The following SRGAP1 variants were observed in gnomAD, a reference collection of about 807,000 sequenced individuals.
SRGAP1 encodes SLIT-ROBO Rho GTPase activating protein 1, also known as SLIT-ROBO Rho GTPase-activating protein 1.
Under a neutral mutation model 121.9 loss-of-function variants are expected in SRGAP1, and 43 were observed. The observed-to-expected ratio is 0.35, with a 90% CI of 0.28 to 0.46. SRGAP1 has a LOEUF of 0.46. Among genes scored for constraint, SRGAP1 ranks in the 20% least tolerant of loss-of-function variants. The probability of loss-of-function intolerance (pLI) is 1.00; values close to 1 mark genes in which losing one functional copy is unlikely to be tolerated. For missense variants in SRGAP1, 1,102 were observed against 1,350.9 expected, an observed-to-expected ratio of 0.82 and a Z score of 2.89; for synonymous variants, 447 against 485.4, an observed-to-expected ratio of 0.92 and a Z score of 1.04.
intron 10 of SRGAP1, chr12:64,081,809 G>A (rs909669542): frequency 8.0e-5 from 12 of 150,276 alleles, no homozygotes; most frequent in South Asian, 4.2e-4. Flanking sequence ...GAGAAAGAAG[G>A]TACAGTCAAT....
intron 21 of SRGAP1, among the ~76,000 whole-genome samples, chr12:64,130,409 A>G (rs190784941): frequency 2.8e-3 from 431 of 152,232 alleles, no homozygotes; most frequent in Non-Finnish European, 5.0e-3. Flanking sequence ...GGAAGTAAAA[A>G]TGTTGCTAGG....
intron 1 of SRGAP1, among the ~76,000 whole-genome samples, chr12:63,850,596 ATTTTTT>A (rs34957489): frequency 8.0e-6 from 1 of 124,308 alleles, no homozygotes. Flanking sequence ...ATACCTGGCT[ATTTTTT>A]TTTTTTTTTT....
chr12:64,026,857 C>T (rs2034663409), intron 4 of SRGAP1, among the ~76,000 whole-genome samples: 3 of 146,038 alleles, frequency 2.1e-5, no homozygotes, highest in East Asian at 4.0e-4. Flanking sequence ...CAGAGCAAGA[C>T]TCCATCTCAA....
rs1488582266 is a variant in SRGAP1, at chr12:64,143,362, A to G, written c.*690A>G. 1 of 152,254 alleles carries G rather than the reference A, an allele frequency of 6.6e-6. No individual in the cohort carries two copies. The highest frequency in any genetic ancestry group is 1.5e-5 in the Non-Finnish European group (1 of 68,118). 9.4% of individuals were successfully genotyped at this position (152,254 alleles called of 1,614,324 possible). On this transcript the variant is annotated 3_prime_UTR_variant, in exon 22 of 22. Transcript: ENST00000355086. ...AAAGGAGAGGAAGACACCATCTCCAAAGCTATTAATGTCACTCCTTTTGCG... is the reference window on the plus strand; with the variant it reads ...AAAGGAGAGGAAGACACCATCTCCAGAGCTATTAATGTCACTCCTTTTGCG...
intron 12 of SRGAP1, among the ~76,000 whole-genome samples, chr12:64,093,057 A>G (rs965107111): frequency 3.3e-5 from 5 of 152,144 alleles, no homozygotes; most frequent in African/African-American, 4.8e-5. Flanking sequence ...TTCCACTTCT[A>G]AAAAGGGCTT....
At chr12:64,080,422 T>TCCAG in intron 10 of SRGAP1, 52 bp downstream of exon 10, 24 of 1,324,118 alleles carry the variant, frequency 1.8e-5, no homozygotes, top group Non-Finnish European at 2.5e-5. Context: ...CATCGTATCA[T>TCCAG]GTATATATTC....
intron 1 of SRGAP1, among the ~76,000 whole-genome samples, chr12:63,969,870 C>T (rs1262169808): frequency 6.6e-6 from 1 of 151,982 alleles, no homozygotes; most frequent in Non-Finnish European, 1.5e-5. Context: ...TCTTGAAATC[C>T]CACTAGAGCC....
intron 4 of SRGAP1, among the ~76,000 whole-genome samples, chr12:64,029,499 T>TA (rs1015216147): frequency 2.0e-5 from 3 of 152,126 alleles, no homozygotes; most frequent in Non-Finnish European, 4.4e-5. Flanking sequence ...TAGAGATCTC[T>TA]ATGGCTCTGG....
chr12:64,150,066 T>C lies in SRGAP1; in HGVS notation c.*7394T>C, dbSNP rs1181094173. 1.3e-5 allele frequency: 2 copies of C among 151,980 alleles called. No homozygotes were observed. The highest frequency in any genetic ancestry group is 2.1e-4 in the South Asian group (1 of 4,814). The allele number at this position is 151,980 out of a possible 1,614,324, so 9.4% of individuals were successfully genotyped here. Reference sequence around the variant, plus strand: ...CTTGCCTTCTATAATAAAAACAAAATAGTTTTTCTATCAAGGTCAGTCTCA... The same window carrying C: ...CTTGCCTTCTATAATAAAAACAAAACAGTTTTTCTATCAAGGTCAGTCTCA... On this transcript the variant is annotated 3_prime_UTR_variant, in exon 22 of 22. Coordinates refer to ENST00000355086, the MANE Select transcript of SRGAP1 (RefSeq NM_020762.4).
At chr12:64,135,085 C>A (rs1248910025) in intron 21 of SRGAP1, among the ~76,000 whole-genome samples, 2 of 152,184 alleles carry the variant, frequency 1.3e-5, no homozygotes, top group African/African-American at 2.4e-5. Context: ...AGGCTGATGG[C>A]AGCATGGGTC....
At chr12:64,125,406 G>A (rs1171745171) in intron 18 of SRGAP1, among the ~76,000 whole-genome samples, 1 of 152,170 alleles carries the variant, frequency 6.6e-6, no homozygotes, top group Non-Finnish European at 1.5e-5. Flanking sequence ...TACCGTCAGT[G>A]TTAGTTTGAA....
At chr12:64,046,838 A>G (rs1236338811) in intron 6 of SRGAP1, among the ~76,000 whole-genome samples, 1 of 152,108 alleles carries the variant, frequency 6.6e-6, no homozygotes, top group Non-Finnish European at 1.5e-5. Context: ...TTGAGTGCCT[A>G]CCATGTAACA....
At position 64,094,952 on chromosome 12, in the gene SRGAP1, C is replaced by A. The variant is rs1251838598; in HGVS notation, c.1560C>A (p.Pro520=). ...TFVKDSGQVI[P]LIVESCIRFI... ...CCCAGGACTCAGGACAGGTTATTCC[C>A]CTCATTGTGGAAAGCTGTATTCGGT... Residue 520 remains proline (P), a synonymous_variant, in exon 13 of 22, where the codon CCC becomes CCA. Coordinates refer to ENST00000355086, the MANE Select transcript of SRGAP1 (RefSeq NM_020762.4). 2 of 1,613,946 alleles carry A rather than the reference C, an allele frequency of 1.2e-6. No individual in the cohort carries two copies. Among genetic ancestry groups the A allele is most frequent in the Non-Finnish European group, 1.7e-6 (2 of 1,179,976 alleles).
At chr12:64,105,634 A>C (rs2036332667) in intron 15 of SRGAP1, among the ~76,000 whole-genome samples, 2 of 152,076 alleles carry the variant, frequency 1.3e-5, no homozygotes, top group African/African-American at 4.8e-5. Flanking sequence ...AAATACAAAA[A>C]TTAGTCAGGC....
At chr12:63,982,286 C>A (rs12297450) in intron 1 of SRGAP1, among the ~76,000 whole-genome samples, 2,739 of 152,036 alleles carry the variant, frequency 0.018, 96 homozygotes, top group African/African-American at 0.058. Flanking sequence ...ATTAGTCAGA[C>A]TGACAGATCA....
At chr12:64,043,020 A>G (rs1274244964) in intron 5 of SRGAP1, 48 bp downstream of exon 5, 16 of 1,340,988 alleles carry the variant, frequency 1.2e-5, no homozygotes, top group Non-Finnish European at 1.6e-5. Flanking sequence ...TGAGGAGACA[A>G]TACTAAGAAC....
chr12:63,921,409 C>T (rs1005821854), intron 1 of SRGAP1, among the ~76,000 whole-genome samples: 1 of 152,176 alleles, frequency 6.6e-6, no homozygotes, highest in African/African-American at 2.4e-5. Flanking sequence ...TGACCAGGTT[C>T]CTGCCCATAT....
intron 1 of SRGAP1, among the ~76,000 whole-genome samples, chr12:63,905,660 G>A (rs1262046066): frequency 6.6e-6 from 1 of 152,316 alleles, no homozygotes; most frequent in East Asian, 1.9e-4. Context: ...TGTAAGCCAT[G>A]AACAGAAGTA....
chr12:63,885,225 A>C (rs1032605108), intron 1 of SRGAP1, among the ~76,000 whole-genome samples: 2 of 152,142 alleles, frequency 1.3e-5, no homozygotes, highest in African/African-American at 4.8e-5. Context: ...ACCAGATTCA[A>C]CTTGGGGTTC....
Sources: allele counts gnomAD v4.1 joint callset (sites outside exome capture counted in the v4.1 genomes callset), GRCh38; gene constraint gnomAD v4.1.1; transcripts MANE v1.5; gene names NCBI Gene and HGNC (gene_info 2026-07-23, HGNC 2026-07-21).